LRRC28: variants seen among roughly 807,000 people sequenced by gnomAD.
LRRC28 encodes the protein leucine-rich repeat-containing protein 28.
In LRRC28, 39 loss-of-function variants were observed where a neutral mutation model predicts 45.7. The ratio of observed to expected loss-of-function variants is 0.85; its 90% CI spans 0.66 to 1.12. The LOEUF is 1.12. Ranked by LOEUF, LRRC28 falls within the 50% of genes most tolerant of loss-of-function variation. The probability of loss-of-function intolerance (pLI) is 0.00; values close to 1 mark genes in which losing one functional copy is unlikely to be tolerated. For synonymous variants in LRRC28, 206 were observed against 178.8 expected (o/e 1.15, Z -1.22); for missense variants, 435 against 438.5 (o/e 0.99, Z 0.07).
intron 6 of LRRC28, among the ~76,000 whole-genome samples, chr15:99,346,263 AAC>A (rs1445660559): frequency 2.0e-5 from 3 of 152,076 alleles, no homozygotes; most frequent in Non-Finnish European, 4.4e-5. Flanking sequence ...TACAGCCTGG[AAC>A]TCCTGGGCTC....
At chr15:99,347,253 A>G (rs908113474) in intron 6 of LRRC28, among the ~76,000 whole-genome samples, 3 of 149,908 alleles carry the variant, frequency 2.0e-5, no homozygotes, top group Non-Finnish European at 4.4e-5. Flanking sequence ...TCTGTCACCC[A>G]GGCTGGAGTG....
chr15:99,283,081 C>T (rs1013821922), intron 3 of LRRC28, among the ~76,000 whole-genome samples: 10 of 151,744 alleles, frequency 6.6e-5, no homozygotes, highest in Admixed American at 2.0e-4. Flanking sequence ...TTAGTAGAGA[C>T]GAGGTTTCTC....
At chr15:99,263,258 G>A (rs1182997534) in intron 2 of LRRC28, among the ~76,000 whole-genome samples, 2 of 147,928 alleles carry the variant, frequency 1.4e-5, no homozygotes, top group African/African-American at 5.0e-5. Flanking sequence ...GGTTGAAGCT[G>A]CAGTGAGCCA....
chr15:99,257,049 T>C (rs1479599105), intron 2 of LRRC28, among the ~76,000 whole-genome samples: 1 of 152,238 alleles, frequency 6.6e-6, no homozygotes, highest in East Asian at 1.9e-4. Context: ...TGTATCTTAT[T>C]GGCTTCAAGT....
intron 5 of LRRC28, among the ~76,000 whole-genome samples, chr15:99,304,127 C>G (rs1459277515): frequency 6.6e-6 from 1 of 152,136 alleles, no homozygotes; most frequent in African/African-American, 2.4e-5. Context: ...TGGAATACAG[C>G]CATGTCCATT....
intron 3 of LRRC28, among the ~76,000 whole-genome samples, chr15:99,278,589 C>G (rs1481179230): frequency 6.6e-6 from 1 of 152,172 alleles, no homozygotes; most frequent in Non-Finnish European, 1.5e-5. Context: ...TCTAGGGTTT[C>G]CCCATTAAGA....
chr15:99,345,946 T>C (rs1956666403), intron 6 of LRRC28, among the ~76,000 whole-genome samples: 1 of 152,160 alleles, frequency 6.6e-6, no homozygotes, highest in Non-Finnish European at 1.5e-5. Context: ...AGTGTGCAAA[T>C]TATTCTCTTC....
At chr15:99,313,249 G>A (rs1413001732) in intron 5 of LRRC28, among the ~76,000 whole-genome samples, 1 of 152,028 alleles carries the variant, frequency 6.6e-6, no homozygotes, top group South Asian at 2.1e-4. Context: ...TATAAATGTA[G>A]ATGCACTTAC....
intron 7 of LRRC28, chr15:99,353,680 C>G (rs914027768): frequency 6.6e-6 from 1 of 152,206 alleles, no homozygotes; most frequent in African/African-American, 2.4e-5. Context: ...AAAGTGCCTG[C>G]AATCACCATG....
At position 99,326,890 on chromosome 15, in the gene LRRC28, A is replaced by G. The variant is rs147524031; in HGVS notation, c.386-7033A>G. Among the ~76,000 whole-genome samples, 663 of 152,238 alleles carry G rather than the reference A, an allele frequency of 4.4e-3. 4 individuals are homozygous for G. The highest frequency in any genetic ancestry group is 0.016 in the African/African-American group (645 of 41,536). On this transcript the variant is annotated intron_variant, in intron 5 of 9. Coordinates refer to ENST00000301981, the MANE Select transcript of LRRC28 (RefSeq NM_144598.5). ...TTTGTATGGTTTTAGTATCAGGGTAATGTTCATAGAATGAGTTGGAAAGTT... is the reference window on the plus strand; with the variant it reads ...TTTGTATGGTTTTAGTATCAGGGTAGTGTTCATAGAATGAGTTGGAAAGTT...
At chr15:99,378,413 T>C (rs922934928) in intron 9 of LRRC28, among the ~76,000 whole-genome samples, 9 of 152,368 alleles carry the variant, frequency 5.9e-5, no homozygotes, top group East Asian at 1.9e-4. Context: ...TTGCTGAAGT[T>C]GCTTATCAGC....
At position 99,390,064 on chromosome 15, in the gene LRRC28, G is replaced by C. The variant is rs1958139438; in HGVS notation, c.*3962G>C. On this transcript the variant is annotated 3_prime_UTR_variant, in exon 10 of 10. Transcript: ENST00000301981. ...ACCCGGCAGGAAGAGGTTGCATTGA[G>C]CTGAGATCACGCCATTACACTCCAG... The C allele has an allele frequency of 6.6e-6, 1 of 152,540 alleles. No individual in the cohort carries two copies. Among genetic ancestry groups the C allele is most frequent in the Non-Finnish European group, 1.5e-5 (1 of 68,332 alleles). 9.4% of individuals were successfully genotyped at this position (152,540 alleles called of 1,614,324 possible).
chr15:99,289,246 A>G (rs775126076), intron 5 of LRRC28, among the ~76,000 whole-genome samples: 4 of 152,210 alleles, frequency 2.6e-5, no homozygotes, highest in Non-Finnish European at 5.9e-5. Flanking sequence ...TATATTAAAA[A>G]AAGATAGATA....
intron 5 of LRRC28, among the ~76,000 whole-genome samples, chr15:99,300,527 T>C (rs978021718): frequency 1.3e-5 from 2 of 152,182 alleles, no homozygotes; most frequent in Admixed American, 6.5e-5. Flanking sequence ...GAAAATATTT[T>C]TAAAGGTATG....
intron 2 of LRRC28, chr15:99,260,147 A>C: frequency 3.4e-6 from 1 of 290,806 alleles, no homozygotes. Context: ...AAAATGTGGG[A>C]TTATGGGTTA....
chr15:99,282,540 CATATGTTTAG>C (rs1420553943), intron 3 of LRRC28, among the ~76,000 whole-genome samples: 1 of 152,096 alleles, frequency 6.6e-6, no homozygotes, highest in Non-Finnish European at 1.5e-5. Context: ...TCTATGTTTA[CATATGTTTAG>C]ATACACAAAT....
intron 3 of LRRC28, 24 bp from the exon 4 acceptor site, chr15:99,287,233 G>T (rs1597242407): frequency 6.4e-7 from 1 of 1,560,182 alleles, no homozygotes; most frequent in Non-Finnish European, 8.7e-7. Flanking sequence ...GATAATGGCT[G>T]TTTTTTTTCT....
At chr15:99,349,088 A>G (rs938755126) in intron 6 of LRRC28, among the ~76,000 whole-genome samples, 15 of 152,164 alleles carry the variant, frequency 9.9e-5, no homozygotes, top group African/African-American at 3.6e-4. Context: ...TGTTATTTGT[A>G]TATAGAAATG....
At chr15:99,260,655 A>G (rs1008513714) in intron 2 of LRRC28, among the ~76,000 whole-genome samples, 2 of 152,234 alleles carry the variant, frequency 1.3e-5, no homozygotes, top group African/African-American at 2.4e-5. Flanking sequence ...CAGGTAAAAC[A>G]TTACTTTTCC....
Sources: gnomAD v4.1 joint callset for allele counts (sites outside exome capture counted in the v4.1 genomes callset) on GRCh38, gnomAD v4.1.1 for gene constraint, MANE v1.5 for transcripts, NCBI Gene and HGNC (gene_info 2026-07-23, HGNC 2026-07-21) for gene names.